Variants in HYOU1 observed in about 807,000 individuals in gnomAD.
HYOU1 encodes the protein hypoxia up-regulated protein 1.
In HYOU1, 40 loss-of-function variants were observed where a neutral mutation model predicts 120.5. That is an observed-to-expected ratio of 0.33 (90% CI 0.26 to 0.43). The LOEUF (loss-of-function observed/expected upper bound fraction) is 0.43, where lower values mean the gene tolerates loss of function less well. HYOU1 is among the 20% of genes least tolerant of loss of function. The probability of loss-of-function intolerance (pLI) is 1.00; values close to 1 mark genes in which losing one functional copy is unlikely to be tolerated. For synonymous variants in HYOU1, 501 were observed against 479.4 expected (o/e 1.05, Z -0.59); for missense variants, 1,085 against 1,278.3 (o/e 0.85, Z 2.31).
rs2133589677 is a variant in HYOU1, at chr11:119,052,024, C to T, written c.1205+66G>A. On this transcript the variant is annotated intron_variant, in intron 11 of 25. Transcript: ENST00000617285. This position sits in a 1 kb window ranked among gnomAD's most constrained non-coding sequence, Gnocchi z 5.0. ...CGGGACTTCCCTCCCCTCAGCCCTC[C>T]AGCTGCTCAGCCCAAAGCCCTGCCC... is the stretch of plus-strand genomic sequence containing the variant. 29 of 1,613,488 alleles carry T rather than the reference C, an allele frequency of 1.8e-5. No homozygotes were observed. The highest frequency in any genetic ancestry group is 2.4e-5 in the Non-Finnish European group (28 of 1,179,592).
At position 119,047,834 on chromosome 11, in the gene HYOU1, G is replaced by A. The variant is rs2133558658; in HGVS notation, c.2511-16C>T. Reference sequence around the variant, plus strand: ...CCGGGCCCCCCTGGAAGCCAGAAAGGAGACCATTAGCCCCAGAGGGAGAGG... The same window carrying A: ...CCGGGCCCCCCTGGAAGCCAGAAAGAAGACCATTAGCCCCAGAGGGAGAGG... On this transcript the variant is annotated splice_polypyrimidine_tract_variant and intron_variant, in intron 21 of 25. Coordinates refer to ENST00000617285, the MANE Select transcript of HYOU1 (RefSeq NM_006389.5). 1.2e-6 allele frequency: 2 copies of A among 1,613,744 alleles called. No homozygotes were observed. The highest frequency in any genetic ancestry group is 2.2e-5 in the South Asian group (2 of 91,076).
rs1009822384 is a variant in HYOU1, at chr11:119,051,347, C to G, written c.1526+91G>C. On this transcript the variant is annotated intron_variant, in intron 13 of 25. Transcript: ENST00000617285. The surrounding 1 kb of genome is among the most constrained non-coding windows in gnomAD (Gnocchi z 4.2). ...AGCTGCCCTGTTTCAGCCCCGCAGGCCCACATCCTCCCTCACCCCCAGTCC... is the reference window on the plus strand; with the variant it reads ...AGCTGCCCTGTTTCAGCCCCGCAGGGCCACATCCTCCCTCACCCCCAGTCC... The G allele has an allele frequency of 3.1e-5, 47 of 1,499,646 alleles. No individual in the cohort carries two copies. In the Middle Eastern group the frequency reaches 6.0e-4, roughly 19 times the overall value. 92.9% of individuals were successfully genotyped at this position (1,499,646 alleles called of 1,614,324 possible).
Position 119,048,700 on chromosome 11 carries a change from C to A in HYOU1, c.2165+14G>T. ...ACACACATGTACACACACACACCAG[C>A]TGTCCTCACTTACTTCTGCACCGAC... On this transcript the variant is annotated intron_variant, in intron 18 of 25. Transcript: ENST00000617285. The surrounding 1 kb of genome is among the most constrained non-coding windows in gnomAD (Gnocchi z 4.7). The A allele has an allele frequency of 6.2e-7, 1 of 1,607,092 alleles. No homozygotes were observed. The highest frequency in any genetic ancestry group is 8.5e-7 in the Non-Finnish European group (1 of 1,176,202).
chr11:119,052,187 A>C lies in HYOU1; in HGVS notation c.1123-15T>G, dbSNP rs2133591007. On this transcript the variant is annotated splice_polypyrimidine_tract_variant and intron_variant, in intron 10 of 25. Coordinates refer to ENST00000617285, the MANE Select transcript of HYOU1 (RefSeq NM_006389.5). This position sits in a 1 kb window ranked among gnomAD's most constrained non-coding sequence, Gnocchi z 5.0. The stretch of plus-strand genomic sequence containing the variant: ...TCAATCTCATCCTGCAGTGGGTAAG[A>C]ATGACAGGTGCAACAGCATGCAGTT... 28 of 1,613,972 alleles carry C rather than the reference A, an allele frequency of 1.7e-5. No individual in the cohort carries two copies. Among genetic ancestry groups the C allele is most frequent in the Non-Finnish European group, 2.3e-5 (27 of 1,179,972 alleles).
chr11:119,047,813 G>GC lies in HYOU1; in HGVS notation c.2515dup (p.Ala839GlyfsTer13). 6.2e-7 allele frequency: 1 copy of GC among 1,613,718 alleles called. No homozygotes were observed. Among genetic ancestry groups the GC allele is most frequent in the Non-Finnish European group, 8.5e-7 (1 of 1,179,930 alleles). On this transcript the variant is annotated frameshift_variant, in exon 22 of 26. Transcript: ENST00000617285. LOFTEE classifies it high-confidence loss of function. ...CTGGTCCATCTCTGGGATGAGCCGG[G>GC]CCCCCCTGGAAGCCAGAAAGGAGAC...
At position 119,055,401 on chromosome 11, in the gene HYOU1, T is replaced by C; in HGVS notation, c.265-62A>G. 6.2e-7 allele frequency: 1 copy of C among 1,607,214 alleles called. No homozygotes were observed. Among genetic ancestry groups the C allele is most frequent in the African/African-American group, 1.3e-5 (1 of 74,800 alleles). On this transcript the variant is annotated intron_variant, in intron 4 of 25. Transcript: ENST00000617285. The surrounding 1 kb of genome is among the most constrained non-coding windows in gnomAD (Gnocchi z 4.0). Reference sequence around the variant, plus strand: ...CCCAAGTCCACCATTACCTACCTCTTACATCACAGAGACTGATAAGGAAAC... The same window carrying C: ...CCCAAGTCCACCATTACCTACCTCTCACATCACAGAGACTGATAAGGAAAC...
rs2133611322 is a variant in HYOU1 at position 119,055,222 on chromosome 11, C to T, written c.382G>A (p.Asp128Asn). ...ARFPEHELTF[D>N]PQRQTVHFQI... is the part of the protein sequence containing the mutation. ...AAGTGCACAGTCTGCCTCTGTGGGT[C>T]GAAAGTCAGCTCGTGCTCCGGGAAG... The change falls in exon 5 of 26, where the codon GAC (aspartate) becomes AAC (asparagine). Residue 128 changes from aspartate to asparagine, a missense_variant. Physicochemically the swap from Asp to Asn is conservative, Grantham distance 23. This residue lies in a region of HYOU1 where 515 missense variants were observed against 677.8 expected (regional missense o/e 0.76). Transcript: ENST00000617285. This position sits in a 1 kb window ranked among gnomAD's most constrained non-coding sequence, Gnocchi z 4.0. 5 of 1,614,094 alleles carry T rather than the reference C, an allele frequency of 3.1e-6. No homozygotes were observed. Among genetic ancestry groups the T allele is most frequent in the East Asian group, 4.5e-5 (2 of 44,882 alleles).
chr11:119,047,558 T>A lies in HYOU1; in HGVS notation c.2595+176A>T, dbSNP rs899083333. On this transcript the variant is annotated intron_variant, in intron 22 of 25. Transcript: ENST00000617285. Reference sequence around the variant, plus strand: ...TGCTCCTCCAGGCTGATGACTCTTATGGCCATGGCCCTTGCTTGGGACTAA... The same window carrying A: ...TGCTCCTCCAGGCTGATGACTCTTAAGGCCATGGCCCTTGCTTGGGACTAA... The A allele has an allele frequency of 1.5e-5, 9 of 602,896 alleles. No homozygotes were observed. The African/African-American group carries it at 1.7e-4, about 11-fold the overall frequency. 37.3% of individuals were successfully genotyped at this position (602,896 alleles called of 1,614,324 possible). A position where few individuals can be genotyped will look rare whatever the true frequency, so the allele number is the denominator to read the frequency against.
chr11:119,050,438 G>C (rs1191185264), intron 14 of HYOU1, among the ~76,000 whole-genome samples: 1 of 151,904 alleles, frequency 6.6e-6, no homozygotes, highest in Non-Finnish European at 1.5e-5. Flanking sequence ...GTGGATTCCT[G>C]AGGCTGCGTG....
Position 119,044,394 on chromosome 11 carries a change from C to T in HYOU1, c.*1199G>A, listed in dbSNP as rs1267470206. On this transcript the variant is annotated 3_prime_UTR_variant, in exon 26 of 26. Coordinates refer to ENST00000617285, the MANE Select transcript of HYOU1 (RefSeq NM_006389.5). ...AAAAAAAAAGGAAAAGACAAAATGACTGACACAGCCAGGTTCATTCTTGTC... is the reference window on the plus strand; with the variant it reads ...AAAAAAAAAGGAAAAGACAAAATGATTGACACAGCCAGGTTCATTCTTGTC... 1.3e-5 allele frequency: 2 copies of T among 151,224 alleles called. No individual in the cohort carries two copies. The highest frequency in any genetic ancestry group is 2.9e-5 in the Non-Finnish European group (2 of 67,822). The allele number at this position is 151,224 out of a possible 1,614,324, so 9.4% of individuals were successfully genotyped here. A position where few individuals can be genotyped will look rare whatever the true frequency, so the allele number is the denominator to read the frequency against.
Position 119,051,227 on chromosome 11 carries a change from C to G in HYOU1, c.1527-54G>C. On this transcript the variant is annotated intron_variant, in intron 13 of 25. Coordinates refer to ENST00000617285, the MANE Select transcript of HYOU1 (RefSeq NM_006389.5). The surrounding 1 kb of genome is among the most constrained non-coding windows in gnomAD (Gnocchi z 4.2). ...GGGACCCACCCCAGCCCATCTCGCC[C>G]TCTAGACTACATGGCCTCCTGGCAC... is the stretch of plus-strand genomic sequence containing the variant. The G allele has an allele frequency of 6.2e-7, 1 of 1,606,264 alleles. No homozygotes were observed. Among genetic ancestry groups the G allele is most frequent in the Non-Finnish European group, 8.5e-7 (1 of 1,175,174 alleles).
rs2133595478 is a variant in HYOU1, at chr11:119,052,759, C to A, written c.865G>T (p.Glu289Ter). 1 of 1,614,236 alleles carries A rather than the reference C, an allele frequency of 6.2e-7. No individual in the cohort carries two copies. The highest frequency in any genetic ancestry group is 1.1e-5 in the South Asian group (1 of 91,074). ...LRERLAGLFNEQRKGQRAKDV... is the reference protein window; with the variant it reads ...LRERLAGLFN Reference sequence around the variant, plus strand: ...TTTGCTCTCTGACCCTTGCGCTGCTCATTGAAAAGCCCAGCCAGGCGTTCT... The same window carrying A: ...TTTGCTCTCTGACCCTTGCGCTGCTAATTGAAAAGCCCAGCCAGGCGTTCT... The change falls in exon 9 of 26, where the codon GAG becomes TAG. Residue 289 changes from glutamate to a stop codon, truncating the protein, a stop_gained. Transcript: ENST00000617285. LOFTEE classifies it high-confidence loss of function. This position sits in a 1 kb window ranked among gnomAD's most constrained non-coding sequence, Gnocchi z 5.0.
Position 119,047,765 on chromosome 11 carries a change from G to C in HYOU1, c.2564C>G (p.Thr855Arg), listed in dbSNP as rs2133558105. The C allele has an allele frequency of 6.2e-7, 1 of 1,614,020 alleles. No individual in the cohort carries two copies. Among genetic ancestry groups the C allele is most frequent in the Admixed American group, 1.7e-5 (1 of 60,016 alleles). Residue 855 changes from threonine (T) to arginine (R), a missense_variant, in exon 22 of 26, where the codon ACA becomes AGA. Transcript: ENST00000617285. Reference sequence around the variant, plus strand: ...CTCATTGATGACTTTCTCTAACGTTGTCATCTCCACCTCAGTGAAGATCTG... The same window carrying C: ...CTCATTGATGACTTTCTCTAACGTTCTCATCTCCACCTCAGTGAAGATCTG... ...MDQIFTEVEM[T>R]TLEKVINETW...
intron 14 of HYOU1, among the ~76,000 whole-genome samples, chr11:119,050,619 G>A (rs1015461546): frequency 7.4e-5 from 11 of 149,422 alleles, no homozygotes; most frequent in African/African-American, 2.2e-4. Context: ...TACTCAAGAG[G>A]CTGAGATGGG....
chr11:119,050,509 G>A (rs1399730728), intron 14 of HYOU1, among the ~76,000 whole-genome samples: 2 of 56,802 alleles, frequency 3.5e-5, no homozygotes, highest in Non-Finnish European at 6.6e-5. Context: ...TTGATCCCAG[G>A]AGTTAGAGAC....
rs2133571937 is a variant in HYOU1 at position 119,049,312 on chromosome 11, T to C, written c.1807-109A>G. On this transcript the variant is annotated intron_variant, in intron 16 of 25. Transcript: ENST00000617285. ...GGGTTCCATACAGGTGACTGCTGTA[T>C]GGAAACGGTCAATGGCCTGCTTGGA... The C allele has an allele frequency of 2.5e-4, 390 of 1,566,538 alleles. 4 individuals carry two copies. Among genetic ancestry groups the C allele is most frequent in the Middle Eastern group, 3.3e-4 (2 of 6,012 alleles).
At position 119,045,627 on chromosome 11, in the gene HYOU1, C is replaced by A; in HGVS notation, c.2966G>T (p.Gly989Val). ...AEPEQKEQST[G>V]QKRPLKNDEL ...GTCGTTCTTCAAAGGCCGCTTCTGT[C>A]CTGTCGATTGTTCTTTCTGTTCAGG... The change falls in exon 26 of 26, where the codon GGA becomes GTA. Residue 989 changes from glycine (G) to valine (V), a missense_variant. Transcript: ENST00000617285. The A allele has an allele frequency of 6.2e-7, 1 of 1,614,230 alleles. No homozygotes were observed. The highest frequency in any genetic ancestry group is 8.5e-7 in the Non-Finnish European group (1 of 1,180,036).
At position 119,048,590 on chromosome 11, in the gene HYOU1, G is replaced by A. The variant is rs2133565645; in HGVS notation, c.2166-27C>T. The A allele has an allele frequency of 9.9e-6, 16 of 1,612,094 alleles. No homozygotes were observed. In the East Asian group the frequency reaches 2.9e-4, roughly 29 times the overall value. On this transcript the variant is annotated intron_variant, in intron 18 of 25. Coordinates refer to ENST00000617285, the MANE Select transcript of HYOU1 (RefSeq NM_006389.5). This position sits in a 1 kb window ranked among gnomAD's most constrained non-coding sequence, Gnocchi z 4.7. ...TATGGGACAAAGGAGGGGTAGGGAT[G>A]AGGGAGAGGGCAAGTGAGAACTTGA... is the stretch of plus-strand genomic sequence containing the variant.
intron 6 of HYOU1, 25 bp from the exon 7 acceptor site, chr11:119,054,700 C>A: frequency 6.2e-7 from 1 of 1,601,294 alleles, no homozygotes; most frequent in Non-Finnish European, 8.5e-7. Flanking sequence ...AGAAAAGGGT[C>A]CCGCCGGCTC....
Sources: allele counts gnomAD v4.1 joint callset (sites outside exome capture counted in the v4.1 genomes callset), GRCh38; gene constraint gnomAD v4.1.1; regional missense constraint gnomAD v4.1.1; non-coding constraint Gnocchi (gnomAD v3.1); transcripts MANE v1.5; gene names NCBI Gene and HGNC (gene_info 2026-07-23, HGNC 2026-07-21).